RAPGEF5: variants seen among roughly 807,000 people sequenced by gnomAD.
The protein encoded by RAPGEF5 is M-Ras-regulated GEF.
In RAPGEF5, 65 loss-of-function variants were observed where a neutral mutation model predicts 125.2. The observed-to-expected ratio is 0.52, with a 90% CI of 0.43 to 0.64. The LOEUF is 0.64. Among genes scored for constraint, RAPGEF5 ranks in the 30% least tolerant of loss-of-function variants. The probability of loss-of-function intolerance (pLI) is 0.00; values close to 1 mark genes in which losing one functional copy is unlikely to be tolerated. For missense variants in RAPGEF5, 958 were observed against 1,048.1 expected, an observed-to-expected ratio of 0.91 and a Z score of 1.19; for synonymous variants, 391 against 385.9, an observed-to-expected ratio of 1.01 and a Z score of -0.16.
chr7:22,341,390 C>T (rs946845448), intron 1 of RAPGEF5, among the ~76,000 whole-genome samples: 2 of 152,210 alleles, frequency 1.3e-5, no homozygotes, highest in Admixed American at 6.5e-5. Flanking sequence ...GGTGGGGACA[C>T]AGCCAAACCA....
At chr7:22,301,050 A>G (rs1309398035) in intron 5 of RAPGEF5, among the ~76,000 whole-genome samples, 1 of 151,512 alleles carries the variant, frequency 6.6e-6, no homozygotes, top group Non-Finnish European at 1.5e-5. Flanking sequence ...TGTGTAGGTC[A>G]CTTCTCCAAA....
chr7:22,307,414 G>A (rs1175839038), intron 5 of RAPGEF5, among the ~76,000 whole-genome samples: 1 of 152,068 alleles, frequency 6.6e-6, no homozygotes, highest in Non-Finnish European at 1.5e-5. Context: ...CTATAACCGG[G>A]TATTATGAGT....
At chr7:22,216,796 G>T (rs536655743) in intron 9 of RAPGEF5, among the ~76,000 whole-genome samples, 27 of 152,282 alleles carry the variant, frequency 1.8e-4, no homozygotes, top group African/African-American at 5.1e-4. Flanking sequence ...AGAAGCTTGC[G>T]ATAATTATAC....
At chr7:22,207,466 G>A (rs1785422365) in intron 9 of RAPGEF5, among the ~76,000 whole-genome samples, 3 of 152,126 alleles carry the variant, frequency 2.0e-5, no homozygotes. Context: ...GACAGCCAGG[G>A]GGTGGGGGGA....
At chr7:22,197,885 T>C (rs969083580) in intron 9 of RAPGEF5, among the ~76,000 whole-genome samples, 1 of 40,714 alleles carries the variant, frequency 2.5e-5, no homozygotes, top group Non-Finnish European at 4.9e-5. Flanking sequence ...CTCTTTTTTC[T>C]TTTTTTTTGG....
chr7:22,233,966 T>C (rs1319300656), intron 7 of RAPGEF5, among the ~76,000 whole-genome samples: 1 of 152,218 alleles, frequency 6.6e-6, no homozygotes, highest in Non-Finnish European at 1.5e-5. Context: ...AAGCTAAATC[T>C]GCATAATGGA....
At chr7:22,308,273 G>C in intron 5 of RAPGEF5, 66 bp downstream of exon 5, 2 of 1,414,798 alleles carry the variant, frequency 1.4e-6, no homozygotes, top group South Asian at 3.1e-5. Context: ...GCAGAATATA[G>C]TCCCTAGACA....
At chr7:22,301,917 G>A (rs759312004) in intron 5 of RAPGEF5, among the ~76,000 whole-genome samples, 3 of 152,064 alleles carry the variant, frequency 2.0e-5, no homozygotes, top group African/African-American at 4.8e-5. Flanking sequence ...TGTGGCACAC[G>A]ACTTGCCAGC....
chr7:22,197,860 A>C (rs13310201), intron 9 of RAPGEF5, among the ~76,000 whole-genome samples: 41,853 of 146,156 alleles, frequency 0.29, 6,371 homozygotes, highest in Admixed American at 0.37. Context: ...AGGTTTAGAG[A>C]GCAACACATT....
intron 8 of RAPGEF5, among the ~76,000 whole-genome samples, chr7:22,221,623 C>A (rs910474333): frequency 6.6e-6 from 1 of 152,070 alleles, no homozygotes; most frequent in Non-Finnish European, 1.5e-5. Context: ...TTGAATAAGT[C>A]TCATGAGATC....
At chr7:22,264,585 C>G (rs1782237644) in intron 7 of RAPGEF5, among the ~76,000 whole-genome samples, 1 of 152,186 alleles carries the variant, frequency 6.6e-6, no homozygotes, top group African/African-American at 2.4e-5. Context: ...CAGCCTCATT[C>G]ACTTGCCTCC....
chr7:22,144,816 G>A (rs1282988808), intron 20 of RAPGEF5, among the ~76,000 whole-genome samples: 2 of 152,216 alleles, frequency 1.3e-5, no homozygotes, highest in Admixed American at 6.5e-5. Flanking sequence ...TGCTGAGGCA[G>A]AGAGCACAGT....
chr7:22,258,851 T>C (rs1192020189), intron 7 of RAPGEF5, among the ~76,000 whole-genome samples: 1 of 151,958 alleles, frequency 6.6e-6, no homozygotes, highest in Non-Finnish European at 1.5e-5. Flanking sequence ...CATTACACCC[T>C]TGAAAATGAA....
chr7:22,220,113 T>C, intron 8 of RAPGEF5, 122 bp from the exon 9 acceptor site: 1 of 1,287,054 alleles, frequency 7.8e-7, no homozygotes, highest in Non-Finnish European at 1.1e-6. Context: ...ATCATGGTCT[T>C]GGTAAAATAT....
rs751909483 is a variant in RAPGEF5, at chr7:22,167,156, G to GAAAAA, written c.1205-13_1205-9dup. ...AGTCATCCAGGAGGGTCTCTGCAAA[G>GAAAAA]AAAAAAAAAACAAACACAAGGTAAG... On this transcript the variant is annotated splice_polypyrimidine_tract_variant and intron_variant, in intron 11 of 25. Coordinates refer to ENST00000665637, the MANE Select transcript of RAPGEF5 (RefSeq NM_012294.5). 7.0e-7 allele frequency: 1 copy of GAAAAA among 1,431,258 alleles called. No homozygotes were observed. The highest frequency in any genetic ancestry group is 9.5e-7 in the Non-Finnish European group (1 of 1,053,454). 88.7% of individuals were successfully genotyped at this position (1,431,258 alleles called of 1,614,324 possible). A position where few individuals can be genotyped will look rare whatever the true frequency, so the allele number is the denominator to read the frequency against.
chr7:22,142,274 G>A (rs1783287708), intron 20 of RAPGEF5, among the ~76,000 whole-genome samples: 1 of 152,152 alleles, frequency 6.6e-6, no homozygotes, highest in South Asian at 2.1e-4. Context: ...TTTACATTCT[G>A]CCCATCACCC....
At chr7:22,188,798 C>T (rs1349812309) in intron 11 of RAPGEF5, among the ~76,000 whole-genome samples, 2 of 150,306 alleles carry the variant, frequency 1.3e-5, no homozygotes, top group Non-Finnish European at 3.0e-5. Flanking sequence ...ACTAGGTTGA[C>T]CATCAAGAGC....
chr7:22,137,045 C>A, intron 21 of RAPGEF5, 62 bp from the exon 22 acceptor site: 1 of 1,278,184 alleles, frequency 7.8e-7, no homozygotes, highest in Non-Finnish European at 1.1e-6. Context: ...TCAGAGGCAT[C>A]GAAGGGAGTT....
intron 1 of RAPGEF5, among the ~76,000 whole-genome samples, chr7:22,322,620 T>C (rs1027950677): frequency 6.6e-6 from 1 of 152,182 alleles, no homozygotes; most frequent in African/African-American, 2.4e-5. Context: ...TAATATAGAA[T>C]GTGATCATTT....
Sources: allele counts gnomAD v4.1 joint callset (sites outside exome capture counted in the v4.1 genomes callset), GRCh38; gene constraint gnomAD v4.1.1; transcripts MANE v1.5; gene names NCBI Gene and HGNC (gene_info 2026-07-23, HGNC 2026-07-21).